The following LEO1 variants were observed in gnomAD, a reference collection of about 807,000 sequenced individuals.
LEO1 encodes LEO1 component of Paf1/RNA polymerase II complex, also known as RNA polymerase-associated protein LEO1.
LEO1 carries 34 observed loss-of-function variants against 80.4 expected under a neutral mutation model. The observed-to-expected ratio is 0.42, with a 90% CI of 0.32 to 0.56. LEO1 has a LOEUF of 0.56. Among genes scored for constraint, LEO1 ranks in the 20% least tolerant of loss-of-function variants. LEO1 has a pLI of 0.10. For synonymous variants in LEO1, 262 were observed against 274.9 expected, an observed-to-expected ratio of 0.95 and a Z score of 0.46; for missense variants, 631 against 814.2, an observed-to-expected ratio of 0.77 and a Z score of 2.74.
chr15:51,958,858 CAT>C, intron 5 of LEO1, 32 bp from the exon 6 acceptor site: 1 of 1,190,472 alleles, frequency 8.4e-7, no homozygotes, highest in South Asian at 1.4e-5. Context: ...AACTATTAAT[CAT>C]ATTTTATAAA....
At chr15:51,949,719 C>A in intron 10 of LEO1, 89 bp downstream of exon 10, 1 of 981,346 alleles carries the variant, frequency 1.0e-6, no homozygotes, top group Non-Finnish European at 1.5e-6. Flanking sequence ...AAAAAAAAGT[C>A]CAGTGACTTG....
chr15:51,967,734 AGAG>A (rs2057089454), intron 1 of LEO1, among the ~76,000 whole-genome samples: 3 of 152,240 alleles, frequency 2.0e-5, no homozygotes, highest in Non-Finnish European at 4.4e-5. Context: ...GCCATCCATA[AGAG>A]GACACATTCA....
chr15:51,954,387 C>T (rs2056972115), intron 7 of LEO1, 94 bp downstream of exon 7: 1 of 778,922 alleles, frequency 1.3e-6, no homozygotes, highest in Non-Finnish European at 2.2e-6. Flanking sequence ...ATTTCTAAAA[C>T]TAATAATAAA....
rs374499793 is a variant in LEO1 at position 51,949,982 on chromosome 15, G to A, written c.1624C>T (p.Arg542Cys). 6 of 1,611,130 alleles carry A rather than the reference G, an allele frequency of 3.7e-6. No homozygotes were observed. Among genetic ancestry groups the A allele is most frequent in the East Asian group, 2.2e-5 (1 of 44,866 alleles). ...TCCCTACGTATGGAAGCCCTCAAAC[G>A]TTCTTCTTCTTTCTGTAAAGAAGCA... Reference protein sequence around the residue: ...RTEMIKKEEERLRASIRRESQ... With the variant: ...RTEMIKKEEECLRASIRRESQ... Residue 542 changes from arginine to cysteine, a missense_variant, in exon 10 of 12, where the codon CGT becomes TGT. Coordinates refer to ENST00000299601, the MANE Select transcript of LEO1 (RefSeq NM_138792.4).
rs202222424 is a variant in LEO1, at chr15:51,966,023, G to C, written c.540C>G (p.Asp180Glu). The change falls in exon 2 of 12, where the codon GAC (aspartate) becomes GAG (glutamate). Residue 180 changes from aspartate (D) to glutamate (E), a missense_variant. Asp to Glu is a conservative substitution (Grantham distance 45). Transcript: ENST00000299601. ...GSDEDKLQNS[D>E]DDEKMQNTDD... ...CTGTGTTCTGCATTTTCTCATCATC[G>C]TCAGAATTCTGCAGCTTATCTTCAT... 9 of 1,613,902 alleles carry C rather than the reference G, an allele frequency of 5.6e-6. No homozygotes were observed. The highest frequency in any genetic ancestry group is 2.2e-5 in the East Asian group (1 of 44,880).
intron 4 of LEO1, 101 bp from the exon 5 acceptor site, chr15:51,960,145 GA>G (rs1261293169): frequency 8.5e-6 from 8 of 944,820 alleles, no homozygotes; most frequent in Non-Finnish European, 1.3e-5. Flanking sequence ...AACATAATTA[GA>G]TATCACTTTA....
chr15:51,945,335 C>T (rs1462581998), intron 11 of LEO1, among the ~76,000 whole-genome samples: 2 of 149,080 alleles, frequency 1.3e-5, no homozygotes, highest in African/African-American at 4.9e-5. Context: ...TTTCTGCCCT[C>T]TTCCTCTCAC....
At chr15:51,947,155 C>T (rs1330478865) in intron 11 of LEO1, 137 bp downstream of exon 11, 2 of 709,866 alleles carry the variant, frequency 2.8e-6, no homozygotes, top group Admixed American at 4.4e-5. Flanking sequence ...TGTCTTGTTA[C>T]TGCATTTATC....
At chr15:51,952,465 C>A (rs1482717123) in intron 8 of LEO1, among the ~76,000 whole-genome samples, 1 of 152,088 alleles carries the variant, frequency 6.6e-6, no homozygotes, top group Non-Finnish European at 1.5e-5. Context: ...ATTCCAAAGC[C>A]TGTATGTTAA....
chr15:51,967,193 C>G (rs1260861735), intron 1 of LEO1, among the ~76,000 whole-genome samples: 1 of 152,154 alleles, frequency 6.6e-6, no homozygotes, highest in Non-Finnish European at 1.5e-5. Context: ...ATAGCTGAGG[C>G]CAGGCATGGT....
chr15:51,946,852 T>G (rs2056905711), intron 11 of LEO1: 1 of 165,794 alleles, frequency 6.0e-6, no homozygotes, highest in Non-Finnish European at 1.3e-5. Context: ...AAGAATGAAT[T>G]ATTTTCCTAA....
At chr15:51,954,878 G>C (rs1460683774) in intron 6 of LEO1, 1 of 238,866 alleles carries the variant, frequency 4.2e-6, no homozygotes, top group East Asian at 1.0e-4. Context: ...GATGTGTTAA[G>C]ACAGTAAGAA....
intron 11 of LEO1, among the ~76,000 whole-genome samples, chr15:51,939,377 C>T (rs2056828837): frequency 1.3e-5 from 2 of 152,136 alleles, no homozygotes; most frequent in South Asian, 4.1e-4. Flanking sequence ...GATAGCATCT[C>T]ACACTTGTTT....
chr15:51,939,469 A>C (rs1396573179), intron 11 of LEO1, among the ~76,000 whole-genome samples: 1 of 152,194 alleles, frequency 6.6e-6, no homozygotes, highest in Non-Finnish European at 1.5e-5. Flanking sequence ...ATCCACAGTA[A>C]GGTATTTAGA....
intron 10 of LEO1, 63 bp downstream of exon 10, chr15:51,949,745 C>A (rs1010732210): frequency 3.0e-6 from 4 of 1,338,994 alleles, no homozygotes; most frequent in Non-Finnish European, 4.2e-6. Flanking sequence ...CGGATTACAT[C>A]TAATGCCAAG....
At chr15:51,949,722 G>C in intron 10 of LEO1, 86 bp downstream of exon 10, 1 of 1,068,932 alleles carries the variant, frequency 9.4e-7, no homozygotes, top group Non-Finnish European at 1.4e-6. Flanking sequence ...AAAAAGTCCA[G>C]TGACTTGGCA....
intron 3 of LEO1, 52 bp downstream of exon 3, chr15:51,962,337 A>T: frequency 8.2e-7 from 1 of 1,216,348 alleles, no homozygotes; most frequent in African/African-American, 1.5e-5. Flanking sequence ...CACTACAGTT[A>T]AATACAGAAA....
At chr15:51,971,609 G>T in intron 1 of LEO1, 79 bp downstream of exon 1, 2 of 1,459,986 alleles carry the variant, frequency 1.4e-6, no homozygotes. Flanking sequence ...TGCCCGCGGC[G>T]CTGGAGCCTC....
intron 3 of LEO1, among the ~76,000 whole-genome samples, chr15:51,962,165 A>T (rs947106207): frequency 7.6e-6 from 1 of 132,214 alleles, no homozygotes; most frequent in African/African-American, 3.0e-5. Flanking sequence ...TCTGTCTCTT[A>T]AAAAAAAAAA....
Sources: allele counts gnomAD v4.1 joint callset (sites outside exome capture counted in the v4.1 genomes callset), GRCh38; gene constraint gnomAD v4.1.1; transcripts MANE v1.5; gene names NCBI Gene and HGNC (gene_info 2026-07-23, HGNC 2026-07-21).